DOCK2: variants seen among roughly 807,000 people sequenced by gnomAD.
DOCK2 encodes the protein dedicator of cytokinesis 2.
In DOCK2, 87 loss-of-function variants were observed where a neutral mutation model predicts 248.9. The ratio of observed to expected loss-of-function variants is 0.35; its 90% CI spans 0.29 to 0.42. The LOEUF (loss-of-function observed/expected upper bound fraction) is 0.42. DOCK2 is among the 10% of genes least tolerant of loss of function. The pLI, the probability that DOCK2 is intolerant of heterozygous loss-of-function variation, is 1.00. For missense variants in DOCK2, 1,747 were observed against 2,300.2 expected (o/e 0.76, Z 4.92); for synonymous variants, 805 against 821.6 (o/e 0.98, Z 0.35).
At chr5:169,907,248 G>C (rs562204117) in intron 27 of DOCK2, among the ~76,000 whole-genome samples, 1 of 152,320 alleles carries the variant, frequency 6.6e-6, no homozygotes, top group African/African-American at 2.4e-5. Flanking sequence ...CATTCTTAGG[G>C]ATACTGAAGA....
chr5:169,823,851 T>C (rs1025776782), intron 26 of DOCK2, among the ~76,000 whole-genome samples: 5 of 152,210 alleles, frequency 3.3e-5, no homozygotes, highest in African/African-American at 4.8e-5. Flanking sequence ...GCAGATGACA[T>C]GATTGTATAT....
rs200506411 is a variant in DOCK2, at chr5:169,658,980, C to CATTATTATT, written c.127+4540_127+4548dup. ...TATTTGCTTCCAATCTACAAGACTGCATTATTATTATTATTATTATTATTA... is the reference window on the plus strand; with the variant it reads ...TATTTGCTTCCAATCTACAAGACTGCATTATTATTATTATTATTATTATTATTATTATTA... On this transcript the variant is annotated intron_variant, in intron 2 of 51. Transcript: ENST00000520908. Among the ~76,000 whole-genome samples the CATTATTATT allele has an allele frequency of 5.4e-3, 742 of 136,246 alleles. 7 individuals carry two copies. Among genetic ancestry groups the CATTATTATT allele is most frequent in the Non-Finnish European group, 6.8e-3 (440 of 64,246 alleles). 89.4% of individuals were successfully genotyped at this position (136,246 alleles called of 152,430 possible).
At chr5:169,840,171 G>A (rs1403672143) in intron 26 of DOCK2, among the ~76,000 whole-genome samples, 1 of 152,210 alleles carries the variant, frequency 6.6e-6, no homozygotes, top group Admixed American at 6.5e-5. Flanking sequence ...ACTCACGGTA[G>A]AAGGCAAGGC....
At chr5:170,079,888 A>C in intron 49 of DOCK2, 1 of 373,644 alleles carries the variant, frequency 2.7e-6, no homozygotes, top group Non-Finnish European at 4.8e-6. Flanking sequence ...AAGAATGGAA[A>C]TGTCTTCTGT....
chr5:170,068,492 G>T (rs1304143891), intron 45 of DOCK2, among the ~76,000 whole-genome samples: 1 of 152,078 alleles, frequency 6.6e-6, no homozygotes, highest in African/African-American at 2.4e-5. Context: ...TATAATTTGG[G>T]GACAATAATT....
intron 27 of DOCK2, chr5:169,841,331 T>C: frequency 1.0e-6 from 1 of 990,142 alleles, no homozygotes; most frequent in Non-Finnish European, 1.2e-6. Context: ...TTCTTCTGCA[T>C]AAACAGTATG....
chr5:169,918,452 T>C (rs1224899395), intron 27 of DOCK2, among the ~76,000 whole-genome samples: 1 of 152,180 alleles, frequency 6.6e-6, no homozygotes, highest in African/African-American at 2.4e-5. Flanking sequence ...ACTAGAAGAA[T>C]GGCCAAATGA....
At chr5:169,952,817 G>C (rs1175450720) in intron 27 of DOCK2, among the ~76,000 whole-genome samples, 1 of 152,080 alleles carries the variant, frequency 6.6e-6, no homozygotes, top group African/African-American at 2.4e-5. Context: ...GAAGCCACCA[G>C]AATACATAAG....
At chr5:169,659,997 G>A (rs1489788798) in intron 2 of DOCK2, among the ~76,000 whole-genome samples, 1 of 152,212 alleles carries the variant, frequency 6.6e-6, no homozygotes, top group African/African-American at 2.4e-5. Context: ...ACCTGGGGAA[G>A]GAGGGAGTTT....
chr5:169,907,038 T>C (rs1426374892), intron 27 of DOCK2, among the ~76,000 whole-genome samples: 4 of 152,160 alleles, frequency 2.6e-5, no homozygotes, highest in African/African-American at 7.2e-5. Context: ...CTCACTGAGC[T>C]TATGGTCTGT....
At chr5:170,046,730 T>C (rs1756726372) in intron 39 of DOCK2, among the ~76,000 whole-genome samples, 1 of 151,988 alleles carries the variant, frequency 6.6e-6, no homozygotes, top group African/African-American at 2.4e-5. Context: ...TACCTCCACA[T>C]AGATGTTTGC....
chr5:169,918,423 G>A (rs749872133), intron 27 of DOCK2, among the ~76,000 whole-genome samples: 50 of 152,064 alleles, frequency 3.3e-4, no homozygotes, highest in Non-Finnish European at 6.3e-4. Context: ...TCACAACATA[G>A]GAAACCACAT....
At chr5:169,977,547 A>C (rs1053098121) in intron 27 of DOCK2, among the ~76,000 whole-genome samples, 4 of 152,208 alleles carry the variant, frequency 2.6e-5, no homozygotes, top group Admixed American at 2.6e-4. Flanking sequence ...GAGGCAGCTG[A>C]GGCACAAGAC....
intron 27 of DOCK2, among the ~76,000 whole-genome samples, chr5:169,842,263 T>A (rs183961739): frequency 6.6e-6 from 1 of 152,320 alleles, no homozygotes; most frequent in East Asian, 1.9e-4. Flanking sequence ...TGCCAGATAC[T>A]CTTGCTTTTT....
intron 27 of DOCK2, among the ~76,000 whole-genome samples, chr5:169,913,977 G>A (rs908413244): frequency 6.6e-6 from 1 of 152,124 alleles, no homozygotes; most frequent in African/African-American, 2.4e-5. Flanking sequence ...GAAAACTCAC[G>A]TGTCCTGACC....
At chr5:169,646,251 A>G (rs1757456327) in intron 1 of DOCK2, among the ~76,000 whole-genome samples, 1 of 152,150 alleles carries the variant, frequency 6.6e-6, no homozygotes, top group Non-Finnish European at 1.5e-5. Context: ...AGGTGGTTGT[A>G]GATGCGTGGT....
At chr5:169,737,120 A>G (rs886746454) in intron 22 of DOCK2, among the ~76,000 whole-genome samples, 1 of 152,214 alleles carries the variant, frequency 6.6e-6, no homozygotes, top group South Asian at 2.1e-4. Context: ...TCACAGGGTC[A>G]GGAATACTTC....
Position 169,666,753 on chromosome 5 carries a change from T to C in DOCK2, c.128-2535T>C, listed in dbSNP as rs544564654. Among the ~76,000 whole-genome samples, 3 of 152,342 alleles carry C rather than the reference T, an allele frequency of 2.0e-5. No homozygotes were observed. The South Asian group carries it at 6.2e-4, about 32-fold the overall frequency. On this transcript the variant is annotated intron_variant, in intron 2 of 51. Transcript: ENST00000520908. ...TTGGATTCTGGTTTGGCTGCTTTTCTGCTAAAGAATGTGTTGGAATTTCTT... is the reference window on the plus strand; with the variant it reads ...TTGGATTCTGGTTTGGCTGCTTTTCCGCTAAAGAATGTGTTGGAATTTCTT...
intron 27 of DOCK2, among the ~76,000 whole-genome samples, chr5:169,932,562 G>A (rs978385788): frequency 8.5e-5 from 13 of 152,278 alleles, no homozygotes; most frequent in Admixed American, 5.2e-4. Context: ...TCAGTTTTGG[G>A]TTTTTTAGAC....
Sources: allele counts gnomAD v4.1 joint callset (sites outside exome capture counted in the v4.1 genomes callset), GRCh38; gene constraint gnomAD v4.1.1; transcripts MANE v1.5; gene names NCBI Gene and HGNC (gene_info 2026-07-23, HGNC 2026-07-21).